TTC6: variants seen among roughly 807,000 people sequenced by gnomAD.
The protein encoded by TTC6 is tetratricopeptide repeat domain 6, also known as tetratricopeptide repeat protein 6.
Under a neutral mutation model 210.4 loss-of-function variants are expected in TTC6, and 172 were observed. The ratio of observed to expected loss-of-function variants is 0.82; its 90% CI spans 0.72 to 0.93. TTC6 has a LOEUF of 0.93. Among genes scored for constraint, TTC6 ranks in the 40% least tolerant of loss-of-function variants. TTC6 has a pLI of 0.00. For missense variants in TTC6, 2,414 were observed against 2,318.1 expected (o/e 1.04, Z -0.85); for synonymous variants, 804 against 819.6 (o/e 0.98, Z 0.32).
At chr14:37,682,066 G>A (rs939902461) in intron 2 of TTC6, among the ~76,000 whole-genome samples, 1 of 152,008 alleles carries the variant, frequency 6.6e-6, no homozygotes. Flanking sequence ...AAGCAGCCTA[G>A]ATGGCTGAGC....
chr14:37,680,305 C>G lies in TTC6; in HGVS notation c.1050+44C>G, dbSNP rs141030470. 3.0e-3 allele frequency: 3,614 copies of G among 1,220,178 alleles called. 25 individuals carry two copies. Among genetic ancestry groups the G allele is most frequent in the South Asian group, 7.9e-3 (566 of 71,944 alleles). The allele number at this position is 1,220,178 out of a possible 1,614,324, so 75.6% of individuals were successfully genotyped here. On this transcript the variant is annotated intron_variant, in intron 2 of 30. Coordinates refer to ENST00000553443, the Ensembl canonical transcript of TTC6. ...ATCCTCCTTGCCTCTGTTAAAGTAACAGCATGCTTCCTGTTGCTTGAATGT... is the reference window on the plus strand; with the variant it reads ...ATCCTCCTTGCCTCTGTTAAAGTAAGAGCATGCTTCCTGTTGCTTGAATGT...
At chr14:37,597,218 A>T (rs1041656073) in intron 1 of TTC6, among the ~76,000 whole-genome samples, 7 of 152,136 alleles carry the variant, frequency 4.6e-5, no homozygotes, top group African/African-American at 1.4e-4. Context: ...CAAAGTTCCC[A>T]TTAGTAGCTG....
chr14:37,828,752 G>T (rs2096178019), intron 29 of TTC6, among the ~76,000 whole-genome samples: 1 of 150,124 alleles, frequency 6.7e-6, no homozygotes, highest in Non-Finnish European at 1.5e-5. Flanking sequence ...TCATTCCTAA[G>T]AAAGGGTATC....
At chr14:37,664,132 C>A (rs183566248) in intron 1 of TTC6, among the ~76,000 whole-genome samples, 1 of 150,574 alleles carries the variant, frequency 6.6e-6, no homozygotes, top group East Asian at 1.9e-4. Context: ...TGACATTCTT[C>A]ACAGAATTAG....
At chr14:37,768,743 G>A (rs1003868435) in intron 14 of TTC6, among the ~76,000 whole-genome samples, 2 of 152,150 alleles carry the variant, frequency 1.3e-5, no homozygotes, top group African/African-American at 2.4e-5. Flanking sequence ...CATGTCGTCT[G>A]CAAAGAAGGA....
intron 30 of TTC6, 29 bp downstream of exon 32, chr14:37,841,699 A>G: frequency 6.5e-7 from 1 of 1,532,486 alleles, no homozygotes; most frequent in Non-Finnish European, 8.9e-7. Context: ...TTCTGGTAAG[A>G]TTACAGTGGT....
intron 20 of TTC6, among the ~76,000 whole-genome samples, chr14:37,797,171 A>T (rs1041980471): frequency 2.6e-5 from 4 of 151,932 alleles, no homozygotes; most frequent in African/African-American, 9.7e-5. Context: ...GTAGTTTTCC[A>T]GGTTATATTT....
In TTC6 at chr14:37,653,456, C is replaced by T. The variant is rs1425495662; in HGVS notation, c.940-26695C>T. On this transcript the variant is annotated intron_variant, in intron 1 of 30. Coordinates refer to ENST00000553443, the Ensembl canonical transcript of TTC6. Reference sequence around the variant, plus strand: ...ATTGTCTTATTTTTATATGTCTCTCCTATTTTCTTTTTTGTTCCCTCCTTT... The same window carrying T: ...ATTGTCTTATTTTTATATGTCTCTCTTATTTTCTTTTTTGTTCCCTCCTTT... Among the ~76,000 whole-genome samples, 4 of 152,226 alleles carry T rather than the reference C, an allele frequency of 2.6e-5. No individual in the cohort carries two copies. In the East Asian group the frequency reaches 7.7e-4, roughly 29 times the overall value.
Position 37,598,464 on chromosome 14 carries a change from C to T in TTC6, c.-235+2456C>T, listed in dbSNP as rs2095608855. On this transcript the variant is annotated intron_variant, in intron 1 of 2. Coordinates refer to the TTC6 transcript ENST00000556845. The surrounding 1 kb of genome is among the most constrained non-coding windows in gnomAD (Gnocchi z 4.9). ...GCGGCTCCGCCCTTCCCGGAAGCTG[C>T]CCTTGCTACACCCGTGGGGCCTGCT... Among the ~76,000 whole-genome samples the T allele has an allele frequency of 6.6e-6, 1 of 152,204 alleles. No individual in the cohort carries two copies. The highest frequency in any genetic ancestry group is 2.4e-5 in the African/African-American group (1 of 41,466).
At chr14:37,645,628 A>G (rs1370306090) in intron 1 of TTC6, among the ~76,000 whole-genome samples, 1 of 152,202 alleles carries the variant, frequency 6.6e-6, no homozygotes, top group African/African-American at 2.4e-5. Flanking sequence ...GAAGTAAGGG[A>G]ACAAGCCATC....
intron 29 of TTC6, among the ~76,000 whole-genome samples, chr14:37,836,149 G>A (rs1294484773): frequency 6.6e-6 from 1 of 152,026 alleles, no homozygotes; most frequent in South Asian, 2.1e-4. Context: ...CTCTCAATTC[G>A]AGTTGTCATC....
intron 14 of TTC6, among the ~76,000 whole-genome samples, chr14:37,773,343 G>C (rs1212862151): frequency 1.3e-5 from 2 of 152,108 alleles, no homozygotes; most frequent in Admixed American, 1.3e-4. Context: ...TCCTTGCTAG[G>C]TCCTGTGTCC....
chr14:37,637,104 C>G (rs2095682354), intron 1 of TTC6, among the ~76,000 whole-genome samples: 1 of 151,820 alleles, frequency 6.6e-6, no homozygotes, highest in Non-Finnish European at 1.5e-5. Context: ...AACAAACAAA[C>G]AAACCAAACC....
rs572431441 is a variant in TTC6 at position 37,726,785 on chromosome 14, A to C, written c.1818+1783A>C. Among the ~76,000 whole-genome samples, 81 of 152,180 alleles carry C rather than the reference A, an allele frequency of 5.3e-4. 1 individual carries two copies. Among genetic ancestry groups the C allele is most frequent in the Middle Eastern group, 3.4e-3 (1 of 294 alleles). ...TCTAATTCTTAGCTTATTCATATTT[A>C]CTATTTTTCTTGTCAATTGGCAACA... is the stretch of plus-strand genomic sequence containing the variant. On this transcript the variant is annotated intron_variant, in intron 7 of 30. Coordinates refer to ENST00000553443, the Ensembl canonical transcript of TTC6.
chr14:37,634,106 A>G (rs565194419), intron 1 of TTC6, among the ~76,000 whole-genome samples: 2 of 152,362 alleles, frequency 1.3e-5, no homozygotes, highest in African/African-American at 4.8e-5. Flanking sequence ...TTTGAAAGAA[A>G]AAAAAGACAA....
At chr14:37,790,761 C>T (rs867276747) in exon 16 of TTC6, 42 of 1,534,058 alleles carry the variant, frequency 2.7e-5, no homozygotes, top group African/African-American at 2.3e-4. Context: ...TTTTCTACAT[C>T]GGGGAATAGT....
At chr14:37,722,559 T>C (rs1480225409) in intron 6 of TTC6, among the ~76,000 whole-genome samples, 1 of 152,122 alleles carries the variant, frequency 6.6e-6, no homozygotes, top group African/African-American at 2.4e-5. Flanking sequence ...CTCAAGCTGG[T>C]CTTGAACTCC....
intron 1 of TTC6, among the ~76,000 whole-genome samples, chr14:37,650,511 T>C (rs2095709289): frequency 6.6e-6 from 1 of 152,170 alleles, no homozygotes; most frequent in African/African-American, 2.4e-5. Context: ...GTTTGTAAAG[T>C]GAAAGTAAAT....
intron 20 of TTC6, 149 bp downstream of exon 22, chr14:37,797,096 G>A: frequency 5.4e-6 from 4 of 734,086 alleles, no homozygotes; most frequent in Non-Finnish European, 7.8e-6. Context: ...TCTCTTTTTT[G>A]TGCCCCCTCT....
Sources: gnomAD v4.1 joint callset for allele counts (sites outside exome capture counted in the v4.1 genomes callset) on GRCh38, gnomAD v4.1.1 for gene constraint, Gnocchi (gnomAD v3.1) non-coding constraint, MANE v1.5 for transcripts, NCBI Gene and HGNC (gene_info 2026-07-23, HGNC 2026-07-21) for gene names.